MYO16: variants seen among roughly 807,000 people sequenced by gnomAD.
MYO16 encodes unconventional myosin-XVI.
Under a neutral mutation model 205.3 loss-of-function variants are expected in MYO16, and 94 were observed. That is an observed-to-expected ratio of 0.46 (90% CI 0.39 to 0.54). The LOEUF (loss-of-function observed/expected upper bound fraction) is 0.54, where lower values mean the gene tolerates loss of function less well. Ranked by LOEUF, MYO16 falls within the 20% of genes least tolerant of loss-of-function variation. MYO16 has a pLI of 0.00. For missense variants in MYO16, 2,315 were observed against 2,387.5 expected, an observed-to-expected ratio of 0.97 and a Z score of 0.63; for synonymous variants, 988 against 954.0, an observed-to-expected ratio of 1.04 and a Z score of -0.66.
the MYO16 span, among the ~76,000 whole-genome samples, chr13:108,557,741 G>A: frequency 1.3e-5 from 2 of 152,030 alleles, no homozygotes; most frequent in African/African-American, 4.8e-5. Context: ...TGAATGAAAA[G>A]AGGTCAATAT....
chr13:109,091,995 T>A (rs910411522), intron 27 of MYO16, among the ~76,000 whole-genome samples: 2 of 152,208 alleles, frequency 1.3e-5, no homozygotes, highest in African/African-American at 4.8e-5. Flanking sequence ...ATTAGAATAT[T>A]GCTTTACACA....
At chr13:108,647,307 G>A (rs1880797616) in intron 1 of MYO16, among the ~76,000 whole-genome samples, 1 of 152,150 alleles carries the variant, frequency 6.6e-6, no homozygotes, top group Admixed American at 6.5e-5. Context: ...GCTTCGGGAA[G>A]ATGCTCCCTA....
At chr13:108,582,339 ACAT>A in the MYO16 span, among the ~76,000 whole-genome samples, 1 of 152,094 alleles carries the variant, frequency 6.6e-6, no homozygotes, top group Non-Finnish European at 1.5e-5. Flanking sequence ...ACCCAGTTCC[ACAT>A]GTATGAGTTC....
chr13:108,877,613 A>T (rs1277795232), intron 12 of MYO16, among the ~76,000 whole-genome samples: 1 of 152,262 alleles, frequency 6.6e-6, no homozygotes, highest in Non-Finnish European at 1.5e-5. Context: ...AGTTTGAAAT[A>T]GCACGAGAGA....
intron 16 of MYO16, among the ~76,000 whole-genome samples, chr13:108,916,006 G>A (rs138276522): frequency 1.4e-4 from 21 of 152,294 alleles, no homozygotes; most frequent in African/African-American, 4.6e-4. Context: ...AACCTAATCT[G>A]AGAGTGTCAC....
At chr13:109,016,071 A>C (rs1022543755) in intron 22 of MYO16, among the ~76,000 whole-genome samples, 1 of 151,832 alleles carries the variant, frequency 6.6e-6, no homozygotes, top group African/African-American at 2.4e-5. Context: ...TCGATTTTTG[A>C]TCTTTCCTGC....
chr13:109,087,663 A>G (rs1020177006), intron 27 of MYO16, among the ~76,000 whole-genome samples: 1 of 151,578 alleles, frequency 6.6e-6, no homozygotes, highest in Non-Finnish European at 1.5e-5. Flanking sequence ...CGAACTAAAA[A>G]CTCCACAACG....
chr13:109,159,612 A>C (rs1878267992), intron 32 of MYO16, among the ~76,000 whole-genome samples: 1 of 152,240 alleles, frequency 6.6e-6, no homozygotes, highest in Non-Finnish European at 1.5e-5. Context: ...GACACAAAAC[A>C]AACAATTGGG....
At chr13:108,609,888 A>ACAC (rs1879108388) in intron 1 of MYO16, among the ~76,000 whole-genome samples, 1 of 152,160 alleles carries the variant, frequency 6.6e-6, no homozygotes, top group Non-Finnish European at 1.5e-5. Context: ...GCTAGAAGGA[A>ACAC]CACCACTACA....
intron 2 of MYO16, among the ~76,000 whole-genome samples, chr13:108,709,666 C>T (rs1883648141): frequency 7.4e-6 from 1 of 135,834 alleles, no homozygotes; most frequent in African/African-American, 2.7e-5. Context: ...AATTATTACA[C>T]AAATGATATT....
At chr13:108,856,533 TA>T (rs1878180093) in intron 11 of MYO16, among the ~76,000 whole-genome samples, 1 of 152,244 alleles carries the variant, frequency 6.6e-6, no homozygotes, top group African/African-American at 2.4e-5. Flanking sequence ...GTCATTGGCA[TA>T]AAGTGGTGAG....
At chr13:108,884,091 G>A (rs552327391) in intron 13 of MYO16, among the ~76,000 whole-genome samples, 11 of 152,258 alleles carry the variant, frequency 7.2e-5, no homozygotes, top group Middle Eastern at 3.4e-3. Flanking sequence ...TCACGGTAGC[G>A]CCTTAGTTGT....
the MYO16 span, among the ~76,000 whole-genome samples, chr13:108,503,659 C>T: frequency 2.5e-4 from 38 of 152,078 alleles, no homozygotes; most frequent in African/African-American, 8.0e-4. Context: ...TGCCAGAAAA[C>T]GGGGTAGGTC....
At chr13:108,708,128 C>G (rs1359497627) in intron 2 of MYO16, among the ~76,000 whole-genome samples, 2 of 152,196 alleles carry the variant, frequency 1.3e-5, no homozygotes. Context: ...ATAAAATCCT[C>G]AAGTTATTCT....
chr13:108,736,396 A>G (rs1231835709), intron 4 of MYO16, among the ~76,000 whole-genome samples: 2 of 152,212 alleles, frequency 1.3e-5, no homozygotes, highest in Non-Finnish European at 2.9e-5. Context: ...TTTATTAAAT[A>G]GGGAATCCTT....
At chr13:108,791,462 A>G (rs1231693561) in intron 5 of MYO16, among the ~76,000 whole-genome samples, 2 of 152,196 alleles carry the variant, frequency 1.3e-5, no homozygotes, top group African/African-American at 4.8e-5. Flanking sequence ...TACATATTAT[A>G]TGTTTTATGT....
At chr13:108,642,976 G>T (rs1880577773) in intron 1 of MYO16, among the ~76,000 whole-genome samples, 3 of 151,832 alleles carry the variant, frequency 2.0e-5, no homozygotes, top group Non-Finnish European at 4.4e-5. Flanking sequence ...TTCCATTATT[G>T]TTTTGGTCTA....
At chr13:108,774,030 G>T (rs577556318) in intron 4 of MYO16, among the ~76,000 whole-genome samples, 252 of 152,294 alleles carry the variant, frequency 1.7e-3, no homozygotes, top group Admixed American at 3.5e-3. Flanking sequence ...GGAGGAGGTT[G>T]CAGTGACCCG....
At chr13:108,836,804 A>G (rs1282520415) in intron 9 of MYO16, among the ~76,000 whole-genome samples, 1 of 152,164 alleles carries the variant, frequency 6.6e-6, no homozygotes, top group Admixed American at 6.5e-5. Flanking sequence ...CCCATTTGGA[A>G]TGGGGTTATT....
Sources: gnomAD v4.1 joint callset for allele counts (sites outside exome capture counted in the v4.1 genomes callset) on GRCh38, gnomAD v4.1.1 for gene constraint, MANE v1.5 for transcripts, NCBI Gene and HGNC (gene_info 2026-07-23, HGNC 2026-07-21) for gene names.